ALG6: variants seen among roughly 807,000 people sequenced by gnomAD.
ALG6 encodes dolichyl pyrophosphate Man9GlcNAc2 alpha-1,3-glucosyltransferase.
A neutral mutation model predicts 66.6 loss-of-function variants in ALG6; 46 were observed. The observed-to-expected ratio is 0.69, with a 90% CI of 0.55 to 0.88. The LOEUF is 0.88. Ranked by LOEUF, ALG6 falls within the 40% of genes least tolerant of loss-of-function variation. The pLI, the probability that ALG6 is intolerant of heterozygous loss-of-function variation, is 0.00. For synonymous variants in ALG6, 185 were observed against 203.7 expected (o/e 0.91, Z 0.78); for missense variants, 505 against 586.8 (o/e 0.86, Z 1.44).
rs760731397 is a variant in ALG6 at position 63,387,532 on chromosome 1, CTTTTTTTTT to C, written c.83-8962_83-8954del. Among the ~76,000 whole-genome samples, 162 of 59,490 alleles carry C rather than the reference CTTTTTTTTT, an allele frequency of 2.7e-3. 3 individuals carry two copies. Among genetic ancestry groups the C allele is most frequent in the Admixed American group, 3.3e-3 (12 of 3,638 alleles). The allele number at this position is 59,490 out of a possible 152,430, so 39.0% of individuals were successfully genotyped here. A position where few individuals can be genotyped will look rare whatever the true frequency, so the allele number is the denominator to read the frequency against. On this transcript the variant is annotated intron_variant, in intron 2 of 14. Coordinates refer to ENST00000263440, the MANE Select transcript of ALG6 (RefSeq NM_013339.4). ...ATATAATGACCTTCTTTGTCTTTCT[CTTTTTTTTT>C]TTTTTTTTTTTTTTTTTTGAGACAG...
At chr1:63,416,044 G>T in intron 11 of ALG6, 87 bp downstream of exon 11, 1 of 998,788 alleles carries the variant, frequency 1.0e-6, no homozygotes, top group South Asian at 1.4e-5. Context: ...GGATTTATTG[G>T]GTTGGGAAAC....
In ALG6 at chr1:63,402,245, C is replaced by G. The variant is rs751572798; in HGVS notation, c.168-9C>G. ...CGGAATGGTGCTTTCTTCTTTTTTT[C>G]TTTTTCAGGTATTTTAACAGCAGTG... On this transcript the variant is annotated splice_polypyrimidine_tract_variant and intron_variant, in intron 3 of 14. Transcript: ENST00000263440. 6.4e-7 allele frequency: 1 copy of G among 1,556,888 alleles called. No individual in the cohort carries two copies. The highest frequency in any genetic ancestry group is 8.9e-7 in the Non-Finnish European group (1 of 1,128,932).
rs1392863186 is a variant in ALG6, at chr1:63,412,007, A to G, written c.762A>G (p.Glu254=). 1.2e-6 allele frequency: 2 copies of G among 1,614,118 alleles called. No homozygotes were observed. Among genetic ancestry groups the G allele is most frequent in the Middle Eastern group, 1.6e-4 (1 of 6,062 alleles). ...GGCTGCCATTCTTTACAGAAAGGGA[A>G]CAAACCCTGCAGGTTCTAAGAAGAC... The part of the protein sequence containing the change: ...LCWLPFFTER[E]QTLQVLRRLF... The change falls in exon 9 of 15, where the codon GAA becomes GAG. Residue 254 remains glutamate, a synonymous_variant. Transcript: ENST00000263440.
chr1:63,438,333 T>C lies in ALG6; in HGVS notation c.*1313T>C, dbSNP rs372013109. 5.9e-5 allele frequency: 9 copies of C among 152,290 alleles called. No individual in the cohort carries two copies. The highest frequency in any genetic ancestry group is 2.1e-4 in the South Asian group (1 of 4,830). The allele number at this position is 152,290 out of a possible 1,614,324, so 9.4% of individuals were successfully genotyped here. On this transcript the variant is annotated 3_prime_UTR_variant, in exon 15 of 15. Coordinates refer to ENST00000263440, the MANE Select transcript of ALG6 (RefSeq NM_013339.4). Reference sequence around the variant, plus strand: ...AATCACTGCCGAATCAGCAAGAACATTGCTGTCCATGGTCACCATCTGTAA... The same window carrying C: ...AATCACTGCCGAATCAGCAAGAACACTGCTGTCCATGGTCACCATCTGTAA...
In ALG6 at chr1:63,437,753, A is replaced by G. The variant is rs1202439434; in HGVS notation, c.*733A>G. 7 of 152,076 alleles carry G rather than the reference A, an allele frequency of 4.6e-5. No individual in the cohort carries two copies. Among genetic ancestry groups the G allele is most frequent in the Non-Finnish European group, 8.8e-5 (6 of 68,028 alleles). 9.4% of individuals were successfully genotyped at this position (152,076 alleles called of 1,614,324 possible). A position where few individuals can be genotyped will look rare whatever the true frequency, so the allele number is the denominator to read the frequency against. On this transcript the variant is annotated 3_prime_UTR_variant, in exon 15 of 15. Coordinates refer to ENST00000263440, the MANE Select transcript of ALG6 (RefSeq NM_013339.4). ...TTAAGTGGTTTGAGTGAAGTCTTCT[A>G]AATTACACATAATCACTGGTTCTAA...
intron 1 of ALG6, among the ~76,000 whole-genome samples, chr1:63,369,674 C>A (rs566659720): frequency 6.6e-6 from 1 of 151,778 alleles, no homozygotes; most frequent in East Asian, 1.9e-4. Flanking sequence ...AATTTTAGAT[C>A]ATTAGGTGGA....
intron 3 of ALG6, among the ~76,000 whole-genome samples, chr1:63,400,202 A>AG (rs1644440443): frequency 2.2e-5 from 1 of 45,614 alleles, no homozygotes; most frequent in Non-Finnish European, 3.3e-5. Context: ...CTCAAAAAAA[A>AG]AAAAATATAT....
rs1365492299 is a variant in ALG6, at chr1:63,411,142, A to G, written c.495-4A>G. 6.2e-7 allele frequency: 1 copy of G among 1,613,484 alleles called. No individual in the cohort carries two copies. The highest frequency in any genetic ancestry group is 1.7e-5 in the Admixed American group (1 of 59,944). ...TTGAGATAATTTCCTTGACACAGGA[A>G]CATATATAATTCTGTGAGTCTTGGC... On this transcript the variant is annotated splice_polypyrimidine_tract_variant and splice_region_variant and intron_variant, in intron 7 of 14. Coordinates refer to ENST00000263440, the MANE Select transcript of ALG6 (RefSeq NM_013339.4).
chr1:63,381,980 G>A (rs1353302203), intron 2 of ALG6, among the ~76,000 whole-genome samples: 3 of 152,006 alleles, frequency 2.0e-5, no homozygotes, highest in Non-Finnish European at 4.4e-5. Context: ...GCCTCAAGTG[G>A]TCCTCCCACC....
rs375709990 is a variant in ALG6, at chr1:63,414,255, CT to C, written c.902+123del. ...TTAGGGAATGAGGTGTTTTTCTTTT[CT>C]TTTTTTTTTTTTTGAGACAGAGTCT... On this transcript the variant is annotated intron_variant, in intron 10 of 14. Coordinates refer to ENST00000263440, the MANE Select transcript of ALG6 (RefSeq NM_013339.4). 68,875 of 569,654 alleles carry C rather than the reference CT, an allele frequency of 0.12. 3 individuals carry two copies. Among genetic ancestry groups the C allele is most frequent in the South Asian group, 0.17 (7,199 of 42,682 alleles). 35.3% of individuals were successfully genotyped at this position (569,654 alleles called of 1,614,324 possible).
Position 63,403,902 on chromosome 1 carries a change from A to G in ALG6, c.258-551A>G, listed in dbSNP as rs542356262. On this transcript the variant is annotated intron_variant, in intron 4 of 14. Coordinates refer to ENST00000263440, the MANE Select transcript of ALG6 (RefSeq NM_013339.4). ...TGAAATGTCGTTATGCGGTGTCGTTATGAGTGTATTTAATATTTGCAAAAA... is the reference window on the plus strand; with the variant it reads ...TGAAATGTCGTTATGCGGTGTCGTTGTGAGTGTATTTAATATTTGCAAAAA... 2.6e-5 allele frequency among the ~76,000 whole-genome samples: 4 copies of G among 152,334 alleles called. No individual in the cohort carries two copies. The South Asian group carries it at 8.3e-4, about 32-fold the overall frequency.
rs1057523181 is a variant in ALG6 at position 63,428,910 on chromosome 1, A to T, written c.1128-18A>T. 1.1e-5 allele frequency: 18 copies of T among 1,609,902 alleles called. No individual in the cohort carries two copies. The highest frequency in any genetic ancestry group is 1.7e-5 in the Admixed American group (1 of 59,856). On this transcript the variant is annotated intron_variant, in intron 13 of 14. Transcript: ENST00000263440. Reference sequence around the variant, plus strand: ...AATTGATAATTCTCTTGTGATTTTTAAAAATTTTCCTTTACAGTATGCTAC... The same window carrying T: ...AATTGATAATTCTCTTGTGATTTTTTAAAATTTTCCTTTACAGTATGCTAC...
chr1:63,409,510 G>T (rs1162039338), intron 7 of ALG6, among the ~76,000 whole-genome samples: 1 of 151,978 alleles, frequency 6.6e-6, no homozygotes, highest in Non-Finnish European at 1.5e-5. Context: ...GGGTTATCTT[G>T]AGTTTATCCC....
chr1:63,372,999 T>C (rs1034897402), intron 2 of ALG6, among the ~76,000 whole-genome samples: 1 of 151,266 alleles, frequency 6.6e-6, no homozygotes, highest in Non-Finnish European at 1.5e-5. Context: ...CACATACATA[T>C]ATGTTTTGTA....
At chr1:63,378,724 T>C (rs1239552059) in intron 2 of ALG6, among the ~76,000 whole-genome samples, 1 of 152,188 alleles carries the variant, frequency 6.6e-6, no homozygotes, top group African/African-American at 2.4e-5. Flanking sequence ...TTGTTAGATG[T>C]ATGTTGGGTC....
chr1:63,403,817 G>A (rs4915641), intron 4 of ALG6, among the ~76,000 whole-genome samples: 27,278 of 152,042 alleles, frequency 0.18, 2,641 homozygotes, highest in Middle Eastern at 0.25. Flanking sequence ...CATAGCTAGC[G>A]TAAAAATATG....
At chr1:63,379,690 T>C (rs1648242848) in intron 2 of ALG6, among the ~76,000 whole-genome samples, 1 of 151,504 alleles carries the variant, frequency 6.6e-6, no homozygotes, top group South Asian at 2.1e-4. Flanking sequence ...TTCAGCCATA[T>C]ATTAAAATTA....
At chr1:63,376,335 A>C (rs1648127066) in intron 2 of ALG6, among the ~76,000 whole-genome samples, 1 of 152,222 alleles carries the variant, frequency 6.6e-6, no homozygotes, top group South Asian at 2.1e-4. Context: ...TTGTTTATAC[A>C]GTTCGTTGTT....
rs888846565 is a variant in ALG6 at position 63,438,350 on chromosome 1, C to T, written c.*1330C>T. 2 of 152,152 alleles carry T rather than the reference C, an allele frequency of 1.3e-5. No homozygotes were observed. The highest frequency in any genetic ancestry group is 4.8e-5 in the African/African-American group (2 of 41,448). 9.4% of individuals were successfully genotyped at this position (152,152 alleles called of 1,614,324 possible). A position where few individuals can be genotyped will look rare whatever the true frequency, so the allele number is the denominator to read the frequency against. ...CAAGAACATTGCTGTCCATGGTCAC[C>T]ATCTGTAATCACTGTGCCCAAATGT... On this transcript the variant is annotated 3_prime_UTR_variant, in exon 15 of 15. Transcript: ENST00000263440.
Sources: allele counts gnomAD v4.1 joint callset (sites outside exome capture counted in the v4.1 genomes callset), GRCh38; gene constraint gnomAD v4.1.1; transcripts MANE v1.5; gene names NCBI Gene and HGNC (gene_info 2026-07-23, HGNC 2026-07-21).